COL4A3: variants seen among roughly 807,000 people sequenced by gnomAD.
The protein encoded by COL4A3 is collagen alpha-3(IV) chain.
Under a neutral mutation model 217.4 loss-of-function variants are expected in COL4A3, and 135 were observed. That is an observed-to-expected ratio of 0.62 (90% CI 0.54 to 0.72). The LOEUF (loss-of-function observed/expected upper bound fraction) is 0.72. Ranked by LOEUF, COL4A3 falls within the 30% of genes least tolerant of loss-of-function variation. COL4A3 has a pLI of 0.00. For missense variants in COL4A3, 1,868 were observed against 2,119.9 expected, an observed-to-expected ratio of 0.88 and a Z score of 2.33; for synonymous variants, 690 against 736.3, an observed-to-expected ratio of 0.94 and a Z score of 1.02.
chr2:227,240,151 G>T lies in COL4A3; in HGVS notation c.153G>T (p.Lys51Asn). The change falls in exon 3 of 52, where the codon AAG becomes AAT. Residue 51 changes from lysine to asparagine, a missense_variant. Coordinates refer to ENST00000396578, the MANE Select transcript of COL4A3 (RefSeq NM_000091.5). ...CDGAKGEKGE[K>N]GFPGPPGSPG... is the part of the protein sequence containing the mutation. ...CGTTTTGGTTTTAACAGGGGGAGAAGGGCTTTCCTGGACCCCCCGGTTCTC... is the reference window on the plus strand; with the variant it reads ...CGTTTTGGTTTTAACAGGGGGAGAATGGCTTTCCTGGACCCCCCGGTTCTC... The T allele has an allele frequency of 6.2e-7, 1 of 1,608,410 alleles. No homozygotes were observed.
At position 227,273,560 on chromosome 2, in the gene COL4A3, C is replaced by T. The variant is rs145005187; in HGVS notation, c.1927+443C>T. 5.8e-4 allele frequency among the ~76,000 whole-genome samples: 89 copies of T among 152,222 alleles called. 1 individual carries two copies. In the East Asian group the frequency reaches 0.01, roughly 18 times the overall value. ...CTGGGGCTACAGGCACGTGTCACCA[C>T]GACCAGCTAATATATATTTTATTTT... On this transcript the variant is annotated intron_variant, in intron 26 of 51. Transcript: ENST00000396578.
Position 227,280,993 on chromosome 2 carries a change from G to A in COL4A3, c.2475G>A (p.Leu825=), listed in dbSNP as rs192027050. 7.0e-6 allele frequency: 11 copies of A among 1,560,970 alleles called. No individual in the cohort carries two copies. The South Asian group carries it at 1.1e-4, about 15-fold the overall frequency. The change falls in exon 31 of 52, where the codon TTG becomes TTA. Residue 825 remains leucine, a synonymous_variant. Transcript: ENST00000396578. ...AAGGACTTCCAGGCTTAAATGGATT[G>A]AAAGGGCAACAAGGTAGGAGGAGGG... is the stretch of plus-strand genomic sequence containing the variant. ...GAQGLPGLNG[L]KGQQGRRGKT... is the part of the protein sequence containing the mutation.
intron 34 of COL4A3, among the ~76,000 whole-genome samples, chr2:227,287,734 G>A (rs949423788): frequency 1.3e-5 from 2 of 152,292 alleles, no homozygotes; most frequent in South Asian, 4.1e-4. Flanking sequence ...TCAAGACTGA[G>A]CTAAAAAATA....
intron 17 of COL4A3, 192 bp downstream of exon 17, chr2:227,256,588 A>G (rs1237607440): frequency 1.3e-6 from 1 of 753,192 alleles, no homozygotes; most frequent in South Asian, 1.4e-5. Context: ...TCTTGAGGAA[A>G]AGGTATTAAA....
At chr2:227,199,153 A>G (rs2066591033) in intron 1 of COL4A3, among the ~76,000 whole-genome samples, 1 of 152,220 alleles carries the variant, frequency 6.6e-6, no homozygotes. Flanking sequence ...CCAGTAAGTC[A>G]AGGTTGGTAA....
At chr2:227,288,499 C>G (rs1198298440) in intron 34 of COL4A3, among the ~76,000 whole-genome samples, 1 of 152,170 alleles carries the variant, frequency 6.6e-6, no homozygotes, top group Non-Finnish European at 1.5e-5. Context: ...CTGGGCAGAA[C>G]TGGATTCAAA....
At chr2:227,165,190 T>A (rs1162691022) in intron 1 of COL4A3, among the ~76,000 whole-genome samples, 1 of 151,788 alleles carries the variant, frequency 6.6e-6, no homozygotes, top group Admixed American at 6.6e-5. Context: ...GTGAATCAAA[T>A]CAAGCAGCTT....
At chr2:227,252,648 G>A (rs2069846377) in intron 11 of COL4A3, among the ~76,000 whole-genome samples, 1 of 151,348 alleles carries the variant, frequency 6.6e-6, no homozygotes, top group African/African-American at 2.4e-5. Context: ...CCTGAGAGAT[G>A]GATAGGTTCT....
In COL4A3 at chr2:227,282,390, G is replaced by C. The variant is rs770451401; in HGVS notation, c.2514G>C (p.Lys838Asn). The C allele has an allele frequency of 6.2e-7, 1 of 1,612,742 alleles. No homozygotes were observed. ...QQGRRGKTGP[K>N]GDPGIPGLDR... ...GCAGAAGAGGTAAAACGGGGCCAAA[G>C]GGAGACCCAGGAATTCCAGGCTTGG... is the stretch of plus-strand genomic sequence containing the variant. Residue 838 changes from lysine (K) to asparagine (N), a missense_variant, in exon 32 of 52, where the codon AAG (lysine) becomes AAC (asparagine). By Grantham distance (94) the Lys-to-Asn change is moderately conservative. Around this residue, in one of 2 missense-constraint regions of COL4A3, gnomAD observed 1,503 missense variants for 1,786.1 expected, o/e 0.84. Coordinates refer to ENST00000396578, the MANE Select transcript of COL4A3 (RefSeq NM_000091.5). This position sits in a 1 kb window ranked among gnomAD's most constrained non-coding sequence, Gnocchi z 4.4.
Position 227,309,338 on chromosome 2 carries a change from G to C in COL4A3, c.4755+20G>C. 1 of 1,580,046 alleles carries C rather than the reference G, an allele frequency of 6.3e-7. No homozygotes were observed. The highest frequency in any genetic ancestry group is 8.7e-7 in the Non-Finnish European group (1 of 1,151,296). ...ATCATGGTGAGGAGAAAAGGAACAG[G>C]AGGTTTAGGGTAAAGACTACCTGTA... On this transcript the variant is annotated intron_variant, in intron 50 of 51. Transcript: ENST00000396578.
chr2:227,295,382 T>C, intron 41 of COL4A3, 66 bp downstream of exon 41: 3 of 1,385,222 alleles, frequency 2.2e-6, no homozygotes, highest in South Asian at 2.3e-5. Flanking sequence ...TTGAATATGC[T>C]TGAAATATAA....
At chr2:227,252,349 A>C (rs1228412482) in intron 11 of COL4A3, among the ~76,000 whole-genome samples, 1 of 150,000 alleles carries the variant, frequency 6.7e-6, no homozygotes, top group Non-Finnish European at 1.5e-5. Flanking sequence ...GACTAAGTGG[A>C]ATTACAGGTG....
At chr2:227,186,501 A>G (rs929403346) in intron 1 of COL4A3, among the ~76,000 whole-genome samples, 9 of 152,132 alleles carry the variant, frequency 5.9e-5, no homozygotes, top group Admixed American at 5.2e-4. Flanking sequence ...GCACAAAAGG[A>G]GTTTGAATTT....
intron 1 of COL4A3, among the ~76,000 whole-genome samples, chr2:227,197,345 A>C (rs1042142994): frequency 1.3e-5 from 2 of 152,008 alleles, no homozygotes; most frequent in Non-Finnish European, 2.9e-5. Flanking sequence ...AGCATCCTAA[A>C]TAGCTGGGAT....
chr2:227,239,072 C>A (rs2068865733), intron 2 of COL4A3, among the ~76,000 whole-genome samples: 1 of 152,062 alleles, frequency 6.6e-6, no homozygotes, highest in Non-Finnish European at 1.5e-5. Flanking sequence ...AATTGTGTAA[C>A]TAAATTGACC....
chr2:227,244,320 G>A lies in COL4A3; in HGVS notation c.235G>A (p.Gly79Ser). ...TTTTTCTTTTTTCACTTGAATCTAG[G>A]GCTTTCCAGGACTTCCAGGACTCAC... ...EGLPGPQGPK[G>S]FPGLPGLTGS... The change falls in exon 4 of 52, where the codon GGC (glycine) becomes AGC (serine). Residue 79 changes from glycine to serine, a missense_variant and splice_region_variant. By Grantham distance (56) the Gly-to-Ser change is moderately conservative (BLOSUM62 0). This residue lies in a region of COL4A3 where 365 missense variants were observed against 333.8 expected (regional missense o/e 1.09). Transcript: ENST00000396578. The A allele has an allele frequency of 1.2e-6, 2 of 1,613,764 alleles. No homozygotes were observed. Among genetic ancestry groups the A allele is most frequent in the South Asian group, 2.2e-5 (2 of 91,056 alleles).
At chr2:227,173,523 C>G (rs941942031) in intron 1 of COL4A3, among the ~76,000 whole-genome samples, 2 of 152,060 alleles carry the variant, frequency 1.3e-5, no homozygotes, top group South Asian at 2.1e-4. Flanking sequence ...ATTTCCTAAC[C>G]GAGACTAAAT....
rs756372958 is a variant in COL4A3, at chr2:227,298,719, A to G, written c.3789A>G (p.Val1263=). The change falls in exon 43 of 52, where the codon GTA becomes GTG. Residue 1263 remains valine, a synonymous_variant. Coordinates refer to ENST00000396578, the MANE Select transcript of COL4A3 (RefSeq NM_000091.5). ...PGPPGPPGSH[V]IGIKGDKGSM... is the part of the protein sequence containing the mutation. ...CCCCTGGACCTCCAGGGAGTCATGT[A>G]ATAGGCATAAAAGGAGACAAAGGGT... 2.5e-6 allele frequency: 4 copies of G among 1,613,988 alleles called. No individual in the cohort carries two copies. In the African/African-American group the frequency reaches 5.3e-5, roughly 22 times the overall value.
rs145189590 is a variant in COL4A3, at chr2:227,182,369, C to T, written c.87+17556C>T. ...GAACACCATAAAACATGCACATTGGCTCAAGATCATTCACTCATTGGAAGA... is the reference window on the plus strand; with the variant it reads ...GAACACCATAAAACATGCACATTGGTTCAAGATCATTCACTCATTGGAAGA... On this transcript the variant is annotated intron_variant, in intron 1 of 51. Coordinates refer to ENST00000396578, the MANE Select transcript of COL4A3 (RefSeq NM_000091.5). Among the ~76,000 whole-genome samples, 291 of 152,298 alleles carry T rather than the reference C, an allele frequency of 1.9e-3. 3 individuals are homozygous for T. In the Middle Eastern group the frequency reaches 0.041, roughly 22 times the overall value.
Sources: gnomAD v4.1 joint callset for allele counts (sites outside exome capture counted in the v4.1 genomes callset) on GRCh38, gnomAD v4.1.1 for gene constraint, gnomAD v4.1.1 regional missense constraint, Gnocchi (gnomAD v3.1) non-coding constraint, MANE v1.5 for transcripts, NCBI Gene and HGNC (gene_info 2026-07-23, HGNC 2026-07-21) for gene names.